The following SMAD5 variants were observed in gnomAD, a reference collection of about 807,000 sequenced individuals.
SMAD5 encodes the protein MAD, mothers against decapentaplegic homolog 5.
SMAD5 carries 9 observed loss-of-function variants against 43.1 expected under a neutral mutation model. The observed-to-expected ratio is 0.21, with a 90% CI of 0.13 to 0.36. The LOEUF (loss-of-function observed/expected upper bound fraction) is 0.36. Among genes scored for constraint, SMAD5 ranks in the 10% least tolerant of loss-of-function variants. The pLI is 1.00. For synonymous variants in SMAD5, 190 were observed against 192.4 expected (o/e 0.99, Z 0.10); for missense variants, 348 against 574.0 (o/e 0.61, Z 4.02).
Position 136,177,320 on chromosome 5 carries a change from T to G in SMAD5, c.1255-17T>G. ...GTTTAAAGAGGGATTTGTGATGATA[T>G]CTGTTCATTTTCATAGGGTTGGGGA... On this transcript the variant is annotated splice_polypyrimidine_tract_variant and intron_variant, in intron 7 of 7. Coordinates refer to ENST00000545279, the MANE Select transcript of SMAD5 (RefSeq NM_005903.7). 6.2e-7 allele frequency: 1 copy of G among 1,612,828 alleles called. No homozygotes were observed. Among genetic ancestry groups the G allele is most frequent in the African/African-American group, 1.3e-5 (1 of 75,030 alleles).
At chr5:136,163,899 A>T (rs1186830171) in intron 5 of SMAD5, among the ~76,000 whole-genome samples, 1 of 152,164 alleles carries the variant, frequency 6.6e-6, no homozygotes, top group African/African-American at 2.4e-5. Flanking sequence ...AAACATTTGC[A>T]GCTGGGCTCA....
At chr5:136,175,315 T>C (rs1303775534) in intron 7 of SMAD5, among the ~76,000 whole-genome samples, 1 of 152,188 alleles carries the variant, frequency 6.6e-6, no homozygotes, top group Non-Finnish European at 1.5e-5. Flanking sequence ...AAAATTGCTA[T>C]TTGAGTCTCT....
At chr5:136,170,212 A>G (rs777221642) in intron 5 of SMAD5, among the ~76,000 whole-genome samples, 1 of 152,096 alleles carries the variant, frequency 6.6e-6, no homozygotes, top group Admixed American at 6.6e-5. Context: ...GGAGTTTTAT[A>G]GTTTTGCATT....
Position 136,153,583 on chromosome 5 carries a change from C to G in SMAD5, c.-169-9C>G. The G allele has an allele frequency of 1.9e-6, 1 of 537,030 alleles. No individual in the cohort carries two copies. Among genetic ancestry groups the G allele is most frequent in the Non-Finnish European group, 3.3e-6 (1 of 304,972 alleles). The allele number at this position is 537,030 out of a possible 1,614,324, so 33.3% of individuals were successfully genotyped here. A position where few individuals can be genotyped will look rare whatever the true frequency, so the allele number is the denominator to read the frequency against. On this transcript the variant is annotated splice_polypyrimidine_tract_variant and intron_variant, in intron 2 of 7. Coordinates refer to ENST00000545279, the MANE Select transcript of SMAD5 (RefSeq NM_005903.7). The stretch of plus-strand genomic sequence containing the variant: ...TTAAACTAGGATCCTTTCCCCCTTT[C>G]TCTTTCAGGACTTGACCCAATGAAA...
At position 136,180,326 on chromosome 5, in the gene SMAD5, C is replaced by T. The variant is rs1754582572; in HGVS notation, c.*2846C>T. ...GTTTTATAGTAAAATTCTAGCACCA[C>T]TAGAATAATCACATAGCATGTACAA... On this transcript the variant is annotated 3_prime_UTR_variant, in exon 8 of 8. Coordinates refer to ENST00000545279, the MANE Select transcript of SMAD5 (RefSeq NM_005903.7). 6 of 152,088 alleles carry T rather than the reference C, an allele frequency of 3.9e-5. No homozygotes were observed. Among genetic ancestry groups the T allele is most frequent in the Admixed American group, 3.9e-4 (6 of 15,268 alleles). 9.4% of individuals were successfully genotyped at this position (152,088 alleles called of 1,614,324 possible). A position where few individuals can be genotyped will look rare whatever the true frequency, so the allele number is the denominator to read the frequency against.
At chr5:136,165,393 T>G (rs67171806) in intron 5 of SMAD5, among the ~76,000 whole-genome samples, 14,648 of 151,956 alleles carry the variant, frequency 0.096, 847 homozygotes, top group East Asian at 0.27. Context: ...TTGTTTGTTT[T>G]TTTATGGCAA....
chr5:136,143,798 G>A (rs1753172699), intron 1 of SMAD5, among the ~76,000 whole-genome samples: 1 of 151,924 alleles, frequency 6.6e-6, no homozygotes, highest in African/African-American at 2.4e-5. Flanking sequence ...CAGGGGAGGG[G>A]TAGAATCTGT....
At chr5:136,158,325 A>G (rs1312312078) in intron 3 of SMAD5, among the ~76,000 whole-genome samples, 1 of 152,204 alleles carries the variant, frequency 6.6e-6, no homozygotes, top group African/African-American at 2.4e-5. Flanking sequence ...AAAGGACTAG[A>G]AATCAGAATA....
Position 136,177,584 on chromosome 5 carries a change from G to T in SMAD5, c.*104G>T. On this transcript the variant is annotated 3_prime_UTR_variant, in exon 8 of 8. Coordinates refer to ENST00000545279, the MANE Select transcript of SMAD5 (RefSeq NM_005903.7). ...GCTTACATTGAAAACAGATATTACA[G>T]CTTATTTTTTTCTACATAATTGTGA... The T allele has an allele frequency of 3.6e-6, 3 of 829,270 alleles. No individual in the cohort carries two copies. Among genetic ancestry groups the T allele is most frequent in the South Asian group, 3.9e-5 (2 of 51,888 alleles). The allele number at this position is 829,270 out of a possible 1,614,324, so 51.4% of individuals were successfully genotyped here.
At chr5:136,169,332 T>C (rs1754136490) in intron 5 of SMAD5, among the ~76,000 whole-genome samples, 1 of 152,198 alleles carries the variant, frequency 6.6e-6, no homozygotes, top group Non-Finnish European at 1.5e-5. Flanking sequence ...CCTACCCAGA[T>C]TGAGGGTGGG....
rs911176829 is a variant in SMAD5, at chr5:136,180,304, T to C, written c.*2824T>C. Reference sequence around the variant, plus strand: ...GTTTTAATTTAATCTACAGAATGTTTTATAGTAAAATTCTAGCACCACTAG... The same window carrying C: ...GTTTTAATTTAATCTACAGAATGTTCTATAGTAAAATTCTAGCACCACTAG... On this transcript the variant is annotated 3_prime_UTR_variant, in exon 8 of 8. Transcript: ENST00000545279. The C allele has an allele frequency of 1.3e-5, 2 of 152,148 alleles. No individual in the cohort carries two copies. The highest frequency in any genetic ancestry group is 2.9e-5 in the Non-Finnish European group (2 of 67,978). 9.4% of individuals were successfully genotyped at this position (152,148 alleles called of 1,614,324 possible).
chr5:136,163,580 C>T (rs1054881211), intron 5 of SMAD5, among the ~76,000 whole-genome samples, 189 bp downstream of exon 5: 8 of 152,106 alleles, frequency 5.3e-5, no homozygotes, highest in Admixed American at 4.6e-4. Context: ...AGAATATTTC[C>T]CTAACTCTTT....
chr5:136,141,459 C>T (rs539524488), intron 1 of SMAD5, among the ~76,000 whole-genome samples: 70 of 152,258 alleles, frequency 4.6e-4, no homozygotes, highest in African/African-American at 1.6e-3. Flanking sequence ...TGGTGTCTGT[C>T]GTGCTACGTT....
Position 136,153,864 on chromosome 5 carries a change from T to G in SMAD5, c.104T>G (p.Val35Gly). 6.2e-7 allele frequency: 1 copy of G among 1,613,904 alleles called. No homozygotes were observed. The highest frequency in any genetic ancestry group is 8.5e-7 in the Non-Finnish European group (1 of 1,179,870). ...GAGGAGAAATGGGCAGAAAAGGCAG[T>G]TGATGCTTTGGTGAAGAAACTAAAA... is the stretch of plus-strand genomic sequence containing the variant. ...DEEEKWAEKAVDALVKKLKKK... is the reference protein window; with the variant it reads ...DEEEKWAEKAGDALVKKLKKK... Residue 35 changes from valine (V) to glycine (G), a missense_variant, in exon 3 of 8, where the codon GTT becomes GGT. Around this residue, in one of 5 missense-constraint regions of SMAD5, gnomAD observed 39 missense variants for 78.5 expected, o/e 0.50. Transcript: ENST00000545279.
intron 3 of SMAD5, among the ~76,000 whole-genome samples, chr5:136,154,998 A>G (rs1056034662): frequency 6.6e-6 from 1 of 151,920 alleles, no homozygotes; most frequent in Non-Finnish European, 1.5e-5. Context: ...CAGTCCATGG[A>G]CCTTTTCTCC....
chr5:136,150,688 A>G (rs920894808), intron 2 of SMAD5, among the ~76,000 whole-genome samples: 4 of 151,914 alleles, frequency 2.6e-5, no homozygotes, highest in Non-Finnish European at 5.9e-5. Context: ...ATTGGATCAG[A>G]AGGTGTGTAT....
intron 5 of SMAD5, among the ~76,000 whole-genome samples, chr5:136,164,456 T>C (rs1446064115): frequency 6.6e-6 from 1 of 152,208 alleles, no homozygotes; most frequent in Admixed American, 6.5e-5. Context: ...AAAGTGCTTA[T>C]TGTGGTTTTA....
At chr5:136,172,967 C>A (rs959517809) in intron 6 of SMAD5, 13 of 324,096 alleles carry the variant, frequency 4.0e-5, no homozygotes, top group Non-Finnish European at 6.9e-5. Context: ...TCCCCAGTAG[C>A]TAGAAGAGTG....
At chr5:136,133,221 CCCGCTGTTACCGCCCAGA>C (rs970583792) in intron 1 of SMAD5, 5 of 152,420 alleles carry the variant, frequency 3.3e-5, no homozygotes, top group African/African-American at 4.8e-5. Context: ...TCGTCCCAGC[CCCGCTGTTACCGCCCAGA>C]CTTTGGAGGG....
Sources: allele counts gnomAD v4.1 joint callset (sites outside exome capture counted in the v4.1 genomes callset), GRCh38; gene constraint gnomAD v4.1.1; regional missense constraint gnomAD v4.1.1; transcripts MANE v1.5; gene names NCBI Gene and HGNC (gene_info 2026-07-23, HGNC 2026-07-21).